NOCT: variants seen among roughly 807,000 people sequenced by gnomAD.
NOCT encodes CCR4 carbon catabolite repression 4-like.
NOCT carries 18 observed loss-of-function variants against 35.0 expected under a neutral mutation model. The ratio of observed to expected loss-of-function variants is 0.51; its 90% CI spans 0.36 to 0.76. The LOEUF (loss-of-function observed/expected upper bound fraction) is 0.76. NOCT is among the 30% of genes least tolerant of loss of function. NOCT has a pLI of 0.01. For synonymous variants in NOCT, 235 were observed against 226.3 expected (o/e 1.04, Z -0.34); for missense variants, 479 against 541.0 (o/e 0.89, Z 1.14).
chr4:139,044,930 C>T lies in NOCT; in HGVS notation c.752C>T (p.Ala251Val), dbSNP rs1726904370. 6.2e-6 allele frequency: 10 copies of T among 1,614,204 alleles called. No individual in the cohort carries two copies. Among genetic ancestry groups the T allele is most frequent in the Admixed American group, 1.7e-5 (1 of 60,020 alleles). The change falls in exon 3 of 3, where the codon GCC (alanine) becomes GTC (valine). Residue 251 changes from alanine (A) to valine (V), a missense_variant. Coordinates refer to ENST00000280614, the MANE Select transcript of NOCT (RefSeq NM_012118.4). The part of the protein sequence containing the change: ...LQNRFKLVNS[A>V]NIRLTAMTLK... Reference sequence around the variant, plus strand: ...AACCGATTCAAGCTAGTCAACAGTGCCAATATTAGGCTGACAGCCATGACA... The same window carrying T: ...AACCGATTCAAGCTAGTCAACAGTGTCAATATTAGGCTGACAGCCATGACA...
At position 139,044,986 on chromosome 4, in the gene NOCT, A is replaced by G. The variant is rs1726905178; in HGVS notation, c.808A>G (p.Thr270Ala). The G allele has an allele frequency of 6.2e-7, 1 of 1,614,010 alleles. No individual in the cohort carries two copies. The highest frequency in any genetic ancestry group is 1.3e-5 in the African/African-American group (1 of 74,914). ...LKTNQVAIAQ[T>A]LECKESGRQF... ...AACCAACCAGGTGGCCATTGCACAGACCCTGGAGTGCAAGGAGTCAGGCCG... is the reference window on the plus strand; with the variant it reads ...AACCAACCAGGTGGCCATTGCACAGGCCCTGGAGTGCAAGGAGTCAGGCCG... The change falls in exon 3 of 3, where the codon ACC becomes GCC. Residue 270 changes from threonine (T) to alanine (A), a missense_variant. Coordinates refer to ENST00000280614, the MANE Select transcript of NOCT (RefSeq NM_012118.4).
intron 1 of NOCT, among the ~76,000 whole-genome samples, chr4:139,018,528 T>C (rs1014561992): frequency 2.6e-5 from 4 of 152,246 alleles, no homozygotes; most frequent in African/African-American, 9.6e-5. Context: ...GCAGTTACTA[T>C]AAAGTCTAGA....
At chr4:139,042,071 C>CTTTTTTT (rs368776726) in intron 1 of NOCT, among the ~76,000 whole-genome samples, 16 of 108,740 alleles carry the variant, frequency 1.5e-4, no homozygotes, top group Non-Finnish European at 1.9e-4. Context: ...TCTTTAAGAT[C>CTTTTTTT]TTTTTTTTTT....
In NOCT at chr4:139,043,360, T is replaced by C. The variant is rs1162255631; in HGVS notation, c.460+17T>C. ...TCGCCCAAGGTATGCTGGATGCTTTTGTGCCTCTGCAGTCAAGTTTGCTGT... is the reference window on the plus strand; with the variant it reads ...TCGCCCAAGGTATGCTGGATGCTTTCGTGCCTCTGCAGTCAAGTTTGCTGT... On this transcript the variant is annotated intron_variant, in intron 2 of 2. Transcript: ENST00000280614. 6 of 1,607,958 alleles carry C rather than the reference T, an allele frequency of 3.7e-6. No individual in the cohort carries two copies. In the African/African-American group the frequency reaches 4.0e-5, roughly 11 times the overall value.
At chr4:139,035,955 T>C (rs886914673) in intron 1 of NOCT, among the ~76,000 whole-genome samples, 1 of 152,206 alleles carries the variant, frequency 6.6e-6, no homozygotes, top group African/African-American at 2.4e-5. Flanking sequence ...CCTCCCGGTC[T>C]CTGCTCAAAT....
intron 1 of NOCT, among the ~76,000 whole-genome samples, chr4:139,028,528 C>T (rs957168795): frequency 1.3e-5 from 2 of 152,314 alleles, no homozygotes; most frequent in Non-Finnish European, 2.9e-5. Flanking sequence ...ACAGTGACGT[C>T]GACAGATGGA....
intron 1 of NOCT, among the ~76,000 whole-genome samples, chr4:139,042,102 G>A (rs1486544692): frequency 8.5e-6 from 1 of 117,654 alleles, no homozygotes; most frequent in Non-Finnish European, 1.6e-5. Context: ...GAGTCTCGCT[G>A]TGTCACCCAG....
chr4:139,043,468 C>A, intron 2 of NOCT, 125 bp downstream of exon 2: 1 of 880,546 alleles, frequency 1.1e-6, no homozygotes, highest in Non-Finnish European at 1.8e-6. Context: ...GTGACTGCAG[C>A]AGCATGGAGA....
chr4:139,016,924 A>C (rs1333296925), intron 1 of NOCT, among the ~76,000 whole-genome samples: 1 of 149,936 alleles, frequency 6.7e-6, no homozygotes, highest in Non-Finnish European at 1.5e-5. Context: ...GAGTGCTGGG[A>C]TCACAGGCGT....
chr4:139,033,022 G>A (rs1032526132), intron 1 of NOCT, among the ~76,000 whole-genome samples: 1 of 151,756 alleles, frequency 6.6e-6, no homozygotes, highest in African/African-American at 2.4e-5. Flanking sequence ...CCAACATCGC[G>A]CCACTGCACT....
chr4:139,038,661 G>A (rs1252026813), intron 1 of NOCT, among the ~76,000 whole-genome samples: 3 of 152,114 alleles, frequency 2.0e-5, no homozygotes, highest in Non-Finnish European at 4.4e-5. Context: ...TACTAATTAT[G>A]ATTGCTACTA....
intron 1 of NOCT, among the ~76,000 whole-genome samples, chr4:139,026,450 AC>A (rs990948417): frequency 1.9e-4 from 29 of 151,576 alleles, no homozygotes; most frequent in African/African-American, 6.8e-4. Context: ...CTGAACTCAA[AC>A]CCCTGGGTTT....
At chr4:139,044,593 T>G (rs375239048) in intron 2 of NOCT, 46 bp from the exon 3 acceptor site, 1 of 1,284,876 alleles carries the variant, frequency 7.8e-7, no homozygotes, top group Non-Finnish European at 1.1e-6. Context: ...TACTTTGAAG[T>G]CACGGTTTTG....
rs879810668 is a variant in NOCT, at chr4:139,015,857, G to A, written c.-125G>A. On this transcript the variant is annotated 5_prime_UTR_variant, in exon 1 of 3. Transcript: ENST00000280614. ...GGGATTTCCCCAGAACCTGCGCCGCGCGAGAAGGAGCCTGGGAGCATCCGC... is the reference window on the plus strand; with the variant it reads ...GGGATTTCCCCAGAACCTGCGCCGCACGAGAAGGAGCCTGGGAGCATCCGC... 19 of 730,210 alleles carry A rather than the reference G, an allele frequency of 2.6e-5. No individual in the cohort carries two copies. The highest frequency in any genetic ancestry group is 2.0e-4 in the East Asian group (5 of 25,452). 45.2% of individuals were successfully genotyped at this position (730,210 alleles called of 1,614,324 possible).
Position 139,045,008 on chromosome 4 carries a change from G to GC in NOCT, c.832dup (p.Arg278ProfsTer26). On this transcript the variant is annotated frameshift_variant, in exon 3 of 3. Coordinates refer to ENST00000280614, the MANE Select transcript of NOCT (RefSeq NM_012118.4). LOFTEE classifies it high-confidence loss of function. The stretch of plus-strand genomic sequence containing the variant: ...CAGACCCTGGAGTGCAAGGAGTCAG[G>GC]CCGACAGTTCTGCATCGCTGTTACC... 1 of 1,614,172 alleles carries GC rather than the reference G, an allele frequency of 6.2e-7. No individual in the cohort carries two copies. Among genetic ancestry groups the GC allele is most frequent in the Non-Finnish European group, 8.5e-7 (1 of 1,180,028 alleles).
At position 139,044,951 on chromosome 4, in the gene NOCT, T is replaced by G; in HGVS notation, c.773T>G (p.Met258Arg). ...VNSANIRLTA[M>R]TLKTNQVAIA... is the part of the protein sequence containing the mutation. ...AGTGCCAATATTAGGCTGACAGCCA[T>G]GACATTGAAAACCAACCAGGTGGCC... The change falls in exon 3 of 3, where the codon ATG becomes AGG. Residue 258 changes from methionine to arginine, a missense_variant. Met to Arg is a moderately conservative substitution (Grantham distance 91, BLOSUM62 -1). Transcript: ENST00000280614. The G allele has an allele frequency of 5.6e-6, 9 of 1,614,134 alleles. No individual in the cohort carries two copies. The highest frequency in any genetic ancestry group is 7.6e-6 in the Non-Finnish European group (9 of 1,179,994).
intron 1 of NOCT, among the ~76,000 whole-genome samples, chr4:139,028,630 C>G (rs1726568634): frequency 6.6e-6 from 1 of 152,202 alleles, no homozygotes; most frequent in African/African-American, 2.4e-5. Flanking sequence ...ATCGCTGTTG[C>G]CCTGAGGCAG....
chr4:139,016,434 C>T (rs547861397), intron 1 of NOCT, among the ~76,000 whole-genome samples: 4 of 152,104 alleles, frequency 2.6e-5, no homozygotes, highest in African/African-American at 9.6e-5. Context: ...GCCATGCTTT[C>T]AGAATTTCTT....
At chr4:139,037,548 G>A (rs1726756729) in intron 1 of NOCT, among the ~76,000 whole-genome samples, 1 of 152,136 alleles carries the variant, frequency 6.6e-6, no homozygotes, top group Non-Finnish European at 1.5e-5. Context: ...AGGATTACAG[G>A]TGTGAGCCAC....
Sources: gnomAD v4.1 joint callset for allele counts (sites outside exome capture counted in the v4.1 genomes callset) on GRCh38, gnomAD v4.1.1 for gene constraint, MANE v1.5 for transcripts, NCBI Gene and HGNC (gene_info 2026-07-23, HGNC 2026-07-21) for gene names.